Variants in EXOC4 observed in about 807,000 individuals in gnomAD.
EXOC4 encodes the protein exocyst complex component 4.
In EXOC4, 71 loss-of-function variants were observed where a neutral mutation model predicts 107.2. That is an observed-to-expected ratio of 0.66 (90% CI 0.55 to 0.81). The LOEUF is 0.81. Ranked by LOEUF, EXOC4 falls within the 30% of genes least tolerant of loss-of-function variation. The probability of loss-of-function intolerance (pLI) is 0.00; values close to 1 mark genes in which losing one functional copy is unlikely to be tolerated. For synonymous variants in EXOC4, 456 were observed against 441.2 expected, an observed-to-expected ratio of 1.03 and a Z score of -0.42; for missense variants, 1,108 against 1,189.6, an observed-to-expected ratio of 0.93 and a Z score of 1.01.
At chr7:133,827,673 C>T (rs897271681) in intron 11 of EXOC4, among the ~76,000 whole-genome samples, 4 of 152,156 alleles carry the variant, frequency 2.6e-5, no homozygotes, top group Non-Finnish European at 5.9e-5. Context: ...AACAATCTAT[C>T]ATCTCTCATA....
At chr7:134,004,258 G>T (rs1288065709) in intron 15 of EXOC4, among the ~76,000 whole-genome samples, 1 of 152,116 alleles carries the variant, frequency 6.6e-6, no homozygotes, top group African/African-American at 2.4e-5. Context: ...TAAGACTAGT[G>T]ATGACAGCCA....
Position 133,577,205 on chromosome 7 carries a change from A to G in EXOC4, c.1418-52840A>G, listed in dbSNP as rs576882428. Among the ~76,000 whole-genome samples, 12 of 152,288 alleles carry G rather than the reference A, an allele frequency of 7.9e-5. No individual in the cohort carries two copies. The South Asian group carries it at 2.1e-3, about 26-fold the overall frequency. The stretch of plus-strand genomic sequence containing the variant: ...ATGTGTTACCTCTACTTATCTTTAA[A>G]CATTCACTCTATTTAATGTATTCAT... On this transcript the variant is annotated intron_variant, in intron 9 of 17. Coordinates refer to ENST00000253861, the MANE Select transcript of EXOC4 (RefSeq NM_021807.4).
chr7:133,631,167 T>C (rs1237657564), intron 10 of EXOC4, among the ~76,000 whole-genome samples: 1 of 152,158 alleles, frequency 6.6e-6, no homozygotes, highest in Non-Finnish European at 1.5e-5. Context: ...TATATATTTG[T>C]GGCATTTTCG....
chr7:134,063,612 C>T (rs537750603), intron 17 of EXOC4, among the ~76,000 whole-genome samples: 6 of 152,236 alleles, frequency 3.9e-5, no homozygotes, highest in Admixed American at 3.9e-4. Flanking sequence ...GCACTGGAAT[C>T]CTTATGTCTC....
intron 11 of EXOC4, among the ~76,000 whole-genome samples, chr7:133,826,052 C>T (rs1214054656): frequency 6.6e-6 from 1 of 152,138 alleles, no homozygotes; most frequent in Non-Finnish European, 1.5e-5. Context: ...TATTTTGCCT[C>T]TTCATGTCAA....
chr7:133,983,881 T>C (rs576529395), intron 14 of EXOC4, among the ~76,000 whole-genome samples: 1 of 152,204 alleles, frequency 6.6e-6, no homozygotes, highest in African/African-American at 2.4e-5. Context: ...TAGCCCCCAC[T>C]CCCCTACCCA....
chr7:133,979,551 G>A (rs1306285770), intron 14 of EXOC4, among the ~76,000 whole-genome samples: 1 of 152,126 alleles, frequency 6.6e-6, no homozygotes, highest in African/African-American at 2.4e-5. Flanking sequence ...ACTTTGGGAG[G>A]CCCAGGCAGG....
At position 133,823,879 on chromosome 7, in the gene EXOC4, TA is replaced by T. The variant is rs1232387515; in HGVS notation, c.1734+6336del. On this transcript the variant is annotated intron_variant, in intron 11 of 17. Coordinates refer to ENST00000253861, the MANE Select transcript of EXOC4 (RefSeq NM_021807.4). Reference sequence around the variant, plus strand: ...TATATATATATATATATATTATATATATATATATATATATTTTATATATATA... The same window carrying T: ...TATATATATATATATATATTATATATTATATATATATATTTTATATATATA... 4.2e-4 allele frequency among the ~76,000 whole-genome samples: 8 copies of T among 18,894 alleles called. 1 individual carries two copies. The highest frequency in any genetic ancestry group is 2.4e-3 in the South Asian group (1 of 418). The allele number at this position is 18,894 out of a possible 152,430, so 12.4% of individuals were successfully genotyped here.
chr7:133,887,691 C>A (rs899388991), intron 11 of EXOC4, among the ~76,000 whole-genome samples: 2 of 152,172 alleles, frequency 1.3e-5, no homozygotes, highest in Non-Finnish European at 2.9e-5. Context: ...CAGAACAAGG[C>A]CCTTTCTCCC....
the EXOC4 span, among the ~76,000 whole-genome samples, chr7:134,093,460 C>T: frequency 6.6e-6 from 1 of 152,122 alleles, no homozygotes; most frequent in African/African-American, 2.4e-5. Context: ...TTTTAGACTG[C>T]CACACAATAA....
At chr7:133,934,276 C>T (rs563729545) in intron 13 of EXOC4, among the ~76,000 whole-genome samples, 1 of 152,292 alleles carries the variant, frequency 6.6e-6, no homozygotes, top group East Asian at 1.9e-4. Flanking sequence ...CTCTTTGACA[C>T]ACACAAATCC....
At chr7:133,704,178 C>T (rs1023333053) in intron 10 of EXOC4, among the ~76,000 whole-genome samples, 1 of 152,186 alleles carries the variant, frequency 6.6e-6, no homozygotes, top group African/African-American at 2.4e-5. Context: ...GTCTTGACCT[C>T]CTGCAATTAG....
intron 10 of EXOC4, among the ~76,000 whole-genome samples, chr7:133,700,642 C>T (rs555467031): frequency 2.5e-4 from 38 of 152,204 alleles, no homozygotes; most frequent in Non-Finnish European, 4.7e-4. Context: ...ATGTATATGT[C>T]AGATCATACT....
chr7:134,046,669 G>A lies in EXOC4; in HGVS notation c.2688-17622G>A, dbSNP rs749714609. ...AGTACTCCAGGCCTCAGTTACCTGC[G>A]TTCGTTAATGTTGGTTCCCAGGGAA... On this transcript the variant is annotated intron_variant, in intron 17 of 17. Coordinates refer to ENST00000253861, the MANE Select transcript of EXOC4 (RefSeq NM_021807.4). Among the ~76,000 whole-genome samples, 47 of 151,830 alleles carry A rather than the reference G, an allele frequency of 3.1e-4. 1 individual carries two copies. The highest frequency in any genetic ancestry group is 1.0e-3 in the African/African-American group (42 of 41,356).
chr7:133,305,912 C>G lies in EXOC4; in HGVS notation c.507C>G (p.Leu169=). 1 of 1,611,320 alleles carries G rather than the reference C, an allele frequency of 6.2e-7. No homozygotes were observed. Among genetic ancestry groups the G allele is most frequent in the Non-Finnish European group, 8.5e-7 (1 of 1,178,790 alleles). ...SAVESLEGPL[L]QVEGLSDLRL... ...TTGAGTCTTTGGAGGGCCCCCTGCT[C>G]CAGGTGGAAGGACTGAGTGACCTTC... is the stretch of plus-strand genomic sequence containing the variant. Residue 169 remains leucine (L), a synonymous_variant, in exon 4 of 18, where the codon CTC becomes CTG. Transcript: ENST00000253861.
chr7:133,705,745 C>T (rs577276255), intron 10 of EXOC4, among the ~76,000 whole-genome samples: 5 of 152,176 alleles, frequency 3.3e-5, no homozygotes, highest in African/African-American at 4.8e-5. Flanking sequence ...GGACAGGTAG[C>T]GTAAAACGCA....
intron 10 of EXOC4, among the ~76,000 whole-genome samples, chr7:133,781,673 C>T (rs892541305): frequency 6.6e-6 from 1 of 152,168 alleles, no homozygotes; most frequent in Admixed American, 6.5e-5. Context: ...TTGATATGTC[C>T]CCAGAGAGTC....
chr7:133,563,145 A>G (rs1306794128), intron 9 of EXOC4, among the ~76,000 whole-genome samples: 1 of 152,062 alleles, frequency 6.6e-6, no homozygotes, highest in East Asian at 1.9e-4. Flanking sequence ...GGGTTGTCAC[A>G]CTCTGGCATT....
chr7:133,541,460 C>T lies in EXOC4; in HGVS notation c.1417+61322C>T, dbSNP rs375566662. Among the ~76,000 whole-genome samples the T allele has an allele frequency of 2.0e-5, 3 of 152,112 alleles. No individual in the cohort carries two copies. The East Asian group carries it at 5.8e-4, about 29-fold the overall frequency. On this transcript the variant is annotated intron_variant, in intron 9 of 17. Transcript: ENST00000253861. ...ATAACTACTTTCAGGCATGAATCAT[C>T]CACCAAGGTATATTTGTTTTTATGT...
Sources: allele counts gnomAD v4.1 joint callset (sites outside exome capture counted in the v4.1 genomes callset), GRCh38; gene constraint gnomAD v4.1.1; transcripts MANE v1.5; gene names NCBI Gene and HGNC (gene_info 2026-07-23, HGNC 2026-07-21).